Variants in MED14 observed in about 807,000 individuals in gnomAD.
MED14 encodes mediator of RNA polymerase II transcription subunit 14.
In MED14, 8 loss-of-function variants were observed where a neutral mutation model predicts 109.0. The observed-to-expected ratio is 0.07, with a 90% CI of 0.04 to 0.13. The LOEUF is 0.13. Ranked by LOEUF, MED14 falls within the 10% of genes least tolerant of loss-of-function variation. The probability of loss-of-function intolerance (pLI) is 1.00; values close to 1 mark genes in which losing one functional copy is unlikely to be tolerated. For synonymous variants in MED14, 399 were observed against 408.7 expected (o/e 0.98, Z 0.29); for missense variants, 711 against 1,142.4 (o/e 0.62, Z 5.44).
At chrX:40,682,105 C>T (rs1251735326) in intron 18 of MED14, among the ~76,000 whole-genome samples, 162 bp from the exon 19 acceptor site, 1 of 111,638 alleles carries the variant, frequency 9.0e-6, no homozygotes, top group Non-Finnish European at 1.9e-5. Flanking sequence ...AGATAATATG[C>T]TTCCGTTTCT....
rs544581828 is a variant in MED14, at chrX:40,707,107, GGATAGATA to G, written c.1285+2233_1285+2240del. On this transcript the variant is annotated intron_variant, in intron 10 of 30. Coordinates refer to ENST00000324817, the MANE Select transcript of MED14 (RefSeq NM_004229.4). ...ATGGACTTAAAATAGATACATAGAT[GGATAGATA>G]GATAGATAGATAGATAGATAGATAG... Among the ~76,000 whole-genome samples the G allele has an allele frequency of 3.8e-3, 387 of 101,311 alleles. 1 individual carries two copies. The highest frequency in any genetic ancestry group is 5.0e-3 in the Non-Finnish European group (251 of 50,056). 88.0% of individuals were successfully genotyped at this position (101,311 alleles called of 115,157 possible). A position where few individuals can be genotyped will look rare whatever the true frequency, so the allele number is the denominator to read the frequency against.
At position 40,735,416 on chromosome X, in the gene MED14, G is replaced by A; in HGVS notation, c.-4C>T. The stretch of plus-strand genomic sequence containing the variant: ...TCTCCAGCTGCACTGGGGCCATGGC[G>A]GCGCAGGACCGGGCTTGGCGCAACG... On this transcript the variant is annotated 5_prime_UTR_variant, in exon 1 of 31. Coordinates refer to ENST00000324817, the MANE Select transcript of MED14 (RefSeq NM_004229.4). 1 of 1,107,800 alleles carries A rather than the reference G, an allele frequency of 9.0e-7. No individual in the cohort carries two copies. Among genetic ancestry groups the A allele is most frequent in the Non-Finnish European group, 1.2e-6 (1 of 846,084 alleles). The allele number at this position is 1,107,800 out of a possible 1,213,427, so 91.3% of individuals were successfully genotyped here. A position where few individuals can be genotyped will look rare whatever the true frequency, so the allele number is the denominator to read the frequency against.
At position 40,664,708 on chromosome X, in the gene MED14, G is replaced by C. The variant is rs181109782; in HGVS notation, c.3266-219C>G. 2.1e-4 allele frequency among the ~76,000 whole-genome samples: 24 copies of C among 111,986 alleles called. No homozygotes were observed. In the East Asian group the frequency reaches 6.7e-3, roughly 31 times the overall value. On this transcript the variant is annotated intron_variant, in intron 24 of 30. Transcript: ENST00000324817. ...AAAATTAGAAAAATATAAAGCTTGAGAGAGGATAAAATTTACCTTCACACA... is the reference window on the plus strand; with the variant it reads ...AAAATTAGAAAAATATAAAGCTTGACAGAGGATAAAATTTACCTTCACACA...
chrX:40,681,158 A>G (rs1052238763), intron 19 of MED14, among the ~76,000 whole-genome samples: 2 of 112,461 alleles, frequency 1.8e-5, no homozygotes, highest in Non-Finnish European at 3.8e-5. Flanking sequence ...CAACTTTATT[A>G]AACTTTATTT....
intron 1 of MED14, among the ~76,000 whole-genome samples, chrX:40,732,878 C>T (rs1602500456): frequency 9.1e-6 from 1 of 109,464 alleles, no homozygotes; most frequent in Non-Finnish European, 1.9e-5. Flanking sequence ...AAGGGACAAA[C>T]CAAAAGTGGT....
At chrX:40,707,338 T>C (rs1370349957) in intron 10 of MED14, among the ~76,000 whole-genome samples, 1 of 111,749 alleles carries the variant, frequency 8.9e-6, no homozygotes, top group Non-Finnish European at 1.9e-5. Context: ...GTGGAGAAAA[T>C]GAAACCTTCC....
chrX:40,724,909 C>G (rs1931845491), intron 3 of MED14, among the ~76,000 whole-genome samples: 1 of 110,923 alleles, frequency 9.0e-6, no homozygotes, highest in South Asian at 3.8e-4. Flanking sequence ...ATTGACAAAC[C>G]TTTACCCAGA....
chrX:40,677,030 T>A (rs1404014006), intron 21 of MED14, among the ~76,000 whole-genome samples: 1 of 111,792 alleles, frequency 8.9e-6, no homozygotes, highest in African/African-American at 3.3e-5. Context: ...TAAGAGACAC[T>A]TAGACCCTCC....
chrX:40,712,808 G>A, intron 6 of MED14, 106 bp downstream of exon 6: 1 of 839,509 alleles, frequency 1.2e-6, no homozygotes, highest in East Asian at 3.7e-5. Flanking sequence ...CAAAGTAGTG[G>A]GATTACAAGC....
rs1928744861 is a variant in MED14, at chrX:40,648,544, C to G, written c.*3262G>C. 8.9e-6 allele frequency: 1 copy of G among 112,162 alleles called. No individual in the cohort carries two copies. The highest frequency in any genetic ancestry group is 3.7e-4 in the South Asian group (1 of 2,698). 9.2% of individuals were successfully genotyped at this position (112,162 alleles called of 1,213,427 possible). On this transcript the variant is annotated 3_prime_UTR_variant, in exon 31 of 31. Coordinates refer to ENST00000324817, the MANE Select transcript of MED14 (RefSeq NM_004229.4). ...TTACATTTCTCTGGGCCTCCATTTA[C>G]TCATTTTTAAGAAGAGGATATCAAT...
chrX:40,711,406 A>C (rs1168093868), intron 7 of MED14, 105 bp from the exon 8 acceptor site: 1 of 589,778 alleles, frequency 1.7e-6, no homozygotes, highest in Non-Finnish European at 2.5e-6. Context: ...CTGGAGAAAA[A>C]TTTCTGAAGA....
chrX:40,712,419 C>G, intron 6 of MED14, 126 bp from the exon 7 acceptor site: 2 of 438,268 alleles, frequency 4.6e-6, no homozygotes, highest in Non-Finnish European at 8.0e-6. Context: ...TCTACAGAAA[C>G]TTGACATTGT....
intron 3 of MED14, among the ~76,000 whole-genome samples, chrX:40,724,445 A>C (rs1265614622): frequency 8.9e-6 from 1 of 112,417 alleles, no homozygotes; most frequent in Admixed American, 9.4e-5. Flanking sequence ...CCACAAAGCA[A>C]GTCTTAAAAC....
chrX:40,719,563 A>G (rs1931646568), intron 3 of MED14, among the ~76,000 whole-genome samples: 1 of 111,996 alleles, frequency 8.9e-6, no homozygotes, highest in Admixed American at 9.5e-5. Context: ...ACAACACAAC[A>G]CATTTGATTC....
chrX:40,726,954 C>T (rs1178396312), intron 2 of MED14, 103 bp from the exon 3 acceptor site: 9 of 654,458 alleles, frequency 1.4e-5, no homozygotes, highest in African/African-American at 1.4e-4. Context: ...TCAGCCTTTG[C>T]TTACAACCAC....
chrX:40,663,274 T>C, intron 25 of MED14, 114 bp from the exon 26 acceptor site: 1 of 594,559 alleles, frequency 1.7e-6, no homozygotes, highest in Non-Finnish European at 2.7e-6. Flanking sequence ...ACTGTTTTAG[T>C]TACTCCTTGT....
In MED14 at chrX:40,692,721, T is replaced by C. The variant is rs1410219501; in HGVS notation, c.1832A>G (p.Asn611Ser). 1 of 1,205,827 alleles carries C rather than the reference T, an allele frequency of 8.3e-7. No homozygotes were observed. The highest frequency in any genetic ancestry group is 1.8e-5 in the African/African-American group (1 of 57,087). ...RTKTGKQTRT[N>S]AKRKLSDDPC... is the part of the protein sequence containing the mutation. Reference sequence around the variant, plus strand: ...ATGGAATCATACCTTGCGCTTGGCATTGGTTCTGGTCTGTTTCCCGGTTTT... The same window carrying C: ...ATGGAATCATACCTTGCGCTTGGCACTGGTTCTGGTCTGTTTCCCGGTTTT... The change falls in exon 14 of 31, where the codon AAT becomes AGT. Residue 611 changes from asparagine (N) to serine (S), a missense_variant. Coordinates refer to ENST00000324817, the MANE Select transcript of MED14 (RefSeq NM_004229.4).
At chrX:40,662,842 G>C (rs1256515094) in intron 26 of MED14, 83 bp downstream of exon 26, 2 of 696,215 alleles carry the variant, frequency 2.9e-6, no homozygotes, top group Non-Finnish European at 4.3e-6. Context: ...GGAATGTCAC[G>C]TTAGTTCAGA....
intron 3 of MED14, among the ~76,000 whole-genome samples, chrX:40,723,065 AAC>A (rs1379281464): frequency 1.8e-5 from 2 of 112,011 alleles, no homozygotes; most frequent in Non-Finnish European, 3.8e-5. Flanking sequence ...CACACAGAAA[AAC>A]ACAGAATATT....
Sources: gnomAD v4.1 joint callset for allele counts (sites outside exome capture counted in the v4.1 genomes callset) on GRCh38, gnomAD v4.1.1 for gene constraint, MANE v1.5 for transcripts, NCBI Gene and HGNC (gene_info 2026-07-23, HGNC 2026-07-21) for gene names.